COBL: variants seen among roughly 807,000 people sequenced by gnomAD.
COBL encodes protein cordon-bleu.
COBL carries 51 observed loss-of-function variants against 98.8 expected under a neutral mutation model. The observed-to-expected ratio is 0.52, with a 90% CI of 0.41 to 0.65. The LOEUF (loss-of-function observed/expected upper bound fraction) is 0.65, where lower values mean the gene tolerates loss of function less well. COBL is among the 30% of genes least tolerant of loss of function. The pLI is 0.00. For missense variants in COBL, 1,617 were observed against 1,617.5 expected (o/e 1.00, Z 0.01); for synonymous variants, 634 against 651.7 (o/e 0.97, Z 0.41).
chr7:51,201,039 G>T (rs1011655533), intron 2 of COBL, among the ~76,000 whole-genome samples: 1 of 152,100 alleles, frequency 6.6e-6, no homozygotes, highest in Admixed American at 6.5e-5. Context: ...AGGAGTTCGA[G>T]ACCAGCCTGG....
chr7:51,124,804 TTTTC>T (rs142393479), intron 6 of COBL, among the ~76,000 whole-genome samples: 14,941 of 152,086 alleles, frequency 0.098, 889 homozygotes, highest in South Asian at 0.17. Flanking sequence ...TTCCAATTTT[TTTTC>T]TTTCTTTCTT....
chr7:51,070,792 T>C (rs989629493), intron 7 of COBL: 1 of 151,850 alleles, frequency 6.6e-6, no homozygotes, highest in African/African-American at 2.4e-5. Flanking sequence ...TAAAATAAAA[T>C]GTCAGTGAGT....
At position 51,210,947 on chromosome 7, in the gene COBL, C is replaced by A. The variant is rs942494728; in HGVS notation, c.245+8794G>T. On this transcript the variant is annotated intron_variant, in intron 2 of 12. Transcript: ENST00000265136. ...CCCTTGGGACAATGGCAGTGCCCAA[C>A]AATGGACAGAGAGGCACAGCTGCTG... Among the ~76,000 whole-genome samples the A allele has an allele frequency of 3.3e-5, 5 of 152,188 alleles. No individual in the cohort carries two copies. In the East Asian group the frequency reaches 5.8e-4, roughly 18 times the overall value.
intron 12 of COBL, among the ~76,000 whole-genome samples, chr7:51,021,944 G>GCCAC: frequency 6.6e-6 from 1 of 152,174 alleles, no homozygotes; most frequent in African/African-American, 2.4e-5. Context: ...TCCAGGTGAG[G>GCCAC]CCACCTTGGC....
intron 2 of COBL, among the ~76,000 whole-genome samples, chr7:51,216,462 C>A (rs1034427503): frequency 6.6e-6 from 1 of 152,162 alleles, no homozygotes; most frequent in Non-Finnish European, 1.5e-5. Flanking sequence ...TGAGCCACTG[C>A]ACCTGACCAA....
intron 7 of COBL, among the ~76,000 whole-genome samples, chr7:51,070,295 T>C (rs1185932352): frequency 6.6e-6 from 1 of 152,100 alleles, no homozygotes; most frequent in Non-Finnish European, 1.5e-5. Context: ...GAAGTTTGCT[T>C]GTTGTCATTT....
At chr7:51,269,364 C>T (rs768945278) in intron 1 of COBL, among the ~76,000 whole-genome samples, 30 of 152,276 alleles carry the variant, frequency 2.0e-4, no homozygotes, top group East Asian at 5.8e-4. Flanking sequence ...TCACATCATG[C>T]ATCAGTGACC....
At chr7:51,051,862 C>G (rs202182962) in intron 7 of COBL, among the ~76,000 whole-genome samples, 1 of 118,464 alleles carries the variant, frequency 8.4e-6, no homozygotes, top group African/African-American at 4.8e-5. Flanking sequence ...TGCTTAGAAT[C>G]AGTTCAGCTA....
At chr7:51,301,708 T>C (rs1390599243) in intron 1 of COBL, among the ~76,000 whole-genome samples, 4 of 152,164 alleles carry the variant, frequency 2.6e-5, no homozygotes, top group South Asian at 2.1e-4. Context: ...CACCGCTACG[T>C]GGTTCCAAGC....
At chr7:51,054,449 T>A (rs1385362960) in intron 7 of COBL, among the ~76,000 whole-genome samples, 2 of 152,200 alleles carry the variant, frequency 1.3e-5, no homozygotes, top group African/African-American at 4.8e-5. Flanking sequence ...GTATGTGTGC[T>A]GGGCTTGTTG....
chr7:51,085,451 T>C, intron 6 of COBL, 147 bp from the exon 7 acceptor site: 2 of 842,424 alleles, frequency 2.4e-6, no homozygotes, highest in African/African-American at 1.7e-5. Context: ...CAGTTCCCTT[T>C]CCAGGTCCTC....
chr7:51,110,920 C>G (rs1021087219), intron 6 of COBL, among the ~76,000 whole-genome samples: 1 of 152,200 alleles, frequency 6.6e-6, no homozygotes, highest in Non-Finnish European at 1.5e-5. Flanking sequence ...AGCACAGTTT[C>G]TTTATCCACT....
intron 6 of COBL, among the ~76,000 whole-genome samples, chr7:51,123,602 A>G (rs181855693): frequency 6.6e-6 from 1 of 152,354 alleles, no homozygotes; most frequent in Admixed American, 6.5e-5. Context: ...TGAAAAATTC[A>G]AGGAGGCTGT....
Position 51,219,891 on chromosome 7 carries a change from T to C in COBL, c.95A>G (p.His32Arg), listed in dbSNP as rs777982558. ...PPPPGKAATLHVHSDQKPPHD... is the reference protein window; with the variant it reads ...PPPPGKAATLRVHSDQKPPHD... ...GGGGGGCTTCTGGTCACTGTGCACATGCAGAGTGGCAGCCTTTCCAGGAGG... is the reference window on the plus strand; with the variant it reads ...GGGGGGCTTCTGGTCACTGTGCACACGCAGAGTGGCAGCCTTTCCAGGAGG... The change falls in exon 2 of 13, where the codon CAT becomes CGT. Residue 32 changes from histidine to arginine, a missense_variant. By Grantham distance (29) the His-to-Arg change is conservative. Around this residue, in one of 3 missense-constraint regions of COBL, gnomAD observed 238 missense variants for 215.0 expected, o/e 1.11. Coordinates refer to ENST00000265136, the MANE Select transcript of COBL (RefSeq NM_015198.5). 3 of 1,612,796 alleles carry C rather than the reference T, an allele frequency of 1.9e-6. No individual in the cohort carries two copies. The highest frequency in any genetic ancestry group is 2.5e-6 in the Non-Finnish European group (3 of 1,180,004).
chr7:51,178,695 G>A (rs982238019), intron 5 of COBL, among the ~76,000 whole-genome samples: 5 of 151,828 alleles, frequency 3.3e-5, no homozygotes, highest in African/African-American at 9.7e-5. Flanking sequence ...TGCAACCTCC[G>A]CCCCCTGGGT....
chr7:51,059,874 G>A (rs957864028), intron 7 of COBL, among the ~76,000 whole-genome samples: 1 of 152,124 alleles, frequency 6.6e-6, no homozygotes, highest in African/African-American at 2.4e-5. Context: ...ACCCAACGTG[G>A]CCTGTTTTTT....
At chr7:51,132,143 T>C (rs2129002225) in intron 6 of COBL, among the ~76,000 whole-genome samples, 1 of 152,252 alleles carries the variant, frequency 6.6e-6, no homozygotes, top group East Asian at 1.9e-4. Flanking sequence ...TATAATCTGC[T>C]ACTTGGTTAA....
rs556441741 is a variant in COBL at position 51,241,513 on chromosome 7, G to A, written c.42-21569C>T. On this transcript the variant is annotated intron_variant, in intron 1 of 12. Coordinates refer to ENST00000265136, the MANE Select transcript of COBL (RefSeq NM_015198.5). ...ACCAATGCTCCTCGGCCGTTCCCAC[G>A]ATCACCGATTAACATTTTAGTGATG... is the stretch of plus-strand genomic sequence containing the variant. Among the ~76,000 whole-genome samples, 198 of 152,282 alleles carry A rather than the reference G, an allele frequency of 1.3e-3. 1 individual carries two copies. Among genetic ancestry groups the A allele is most frequent in the African/African-American group, 4.1e-3 (169 of 41,560 alleles).
intron 6 of COBL, among the ~76,000 whole-genome samples, chr7:51,128,248 CA>C (rs2128997656): frequency 6.6e-6 from 1 of 152,314 alleles, no homozygotes; most frequent in Non-Finnish European, 1.5e-5. Context: ...TCAGTTTCCA[CA>C]ACTCAGATAA....
Sources: gnomAD v4.1 joint callset for allele counts (sites outside exome capture counted in the v4.1 genomes callset) on GRCh38, gnomAD v4.1.1 for gene constraint, gnomAD v4.1.1 regional missense constraint, MANE v1.5 for transcripts, NCBI Gene and HGNC (gene_info 2026-07-23, HGNC 2026-07-21) for gene names.